Variants in INTU observed in about 807,000 individuals in gnomAD.
INTU encodes protein inturned.
Under a neutral mutation model 100.5 loss-of-function variants are expected in INTU, and 68 were observed. The observed-to-expected ratio is 0.68, with a 90% CI of 0.56 to 0.83. INTU has a LOEUF of 0.83. Among genes scored for constraint, INTU ranks in the 40% least tolerant of loss-of-function variants. INTU has a pLI of 0.00. For missense variants in INTU, 1,071 were observed against 1,114.7 expected, an observed-to-expected ratio of 0.96 and a Z score of 0.56; for synonymous variants, 357 against 395.7, an observed-to-expected ratio of 0.90 and a Z score of 1.16.
At chr4:127,655,230 G>A (rs1475875032) in intron 2 of INTU, among the ~76,000 whole-genome samples, 2 of 152,134 alleles carry the variant, frequency 1.3e-5, no homozygotes, top group Non-Finnish European at 2.9e-5. Flanking sequence ...GCTCGTCAAA[G>A]TCATTCTCCA....
intron 7 of INTU, 80 bp from the exon 8 acceptor site, chr4:127,687,598 G>A: frequency 9.3e-7 from 1 of 1,076,018 alleles, no homozygotes; most frequent in Non-Finnish European, 1.4e-6. Flanking sequence ...AGTTGGGAAA[G>A]ATCCAGTTCC....
chr4:127,660,264 C>G (rs1027629017), intron 3 of INTU, among the ~76,000 whole-genome samples: 1 of 152,102 alleles, frequency 6.6e-6, no homozygotes, highest in Non-Finnish European at 1.5e-5. Context: ...AAGAAGCCTT[C>G]CAAGTTTTGT....
In INTU at chr4:127,706,647, C is replaced by A; in HGVS notation, c.1949C>A (p.Pro650Gln). ...ATAGATGAACGGCTAGCATCTTCTCCAGTCCCCTGTTTGTCTTGTGCTGAC... is the reference window on the plus strand; with the variant it reads ...ATAGATGAACGGCTAGCATCTTCTCAAGTCCCCTGTTTGTCTTGTGCTGAC... ...SRIDERLASS[P>Q]VPCLSCADWF... Residue 650 changes from proline (P) to glutamine (Q), a missense_variant, in exon 12 of 16, where the codon CCA (proline) becomes CAA (glutamine). Physicochemically the swap from Pro to Gln is moderately conservative, Grantham distance 76. Transcript: ENST00000335251. 1.2e-6 allele frequency: 2 copies of A among 1,614,128 alleles called. No individual in the cohort carries two copies. The highest frequency in any genetic ancestry group is 1.7e-4 in the Middle Eastern group (1 of 6,058).
In INTU at chr4:127,699,989, CTTTT is replaced by C; in HGVS notation, c.1450-11_1450-8del. ...ATATGAGTCAAATGTTTATGTTACT[CTTTT>C]TTTTTTTTTAACATAGATGGAATTA... is the stretch of plus-strand genomic sequence containing the variant. On this transcript the variant is annotated splice_polypyrimidine_tract_variant and intron_variant, in intron 8 of 15. Coordinates refer to ENST00000335251, the MANE Select transcript of INTU (RefSeq NM_015693.4). The C allele has an allele frequency of 6.1e-6, 8 of 1,307,466 alleles. No individual in the cohort carries two copies. The highest frequency in any genetic ancestry group is 1.6e-5 in the African/African-American group (1 of 63,966). 81.0% of individuals were successfully genotyped at this position (1,307,466 alleles called of 1,614,324 possible).
chr4:127,691,140 T>C (rs570359522), intron 8 of INTU, among the ~76,000 whole-genome samples: 2 of 152,292 alleles, frequency 1.3e-5, no homozygotes, highest in East Asian at 3.9e-4. Context: ...TTCTTTCACT[T>C]AGTAATATAC....
At chr4:127,704,894 CCTGT>C (rs1730811925) in intron 10 of INTU, among the ~76,000 whole-genome samples, 1 of 151,966 alleles carries the variant, frequency 6.6e-6, no homozygotes, top group Non-Finnish European at 1.5e-5. Flanking sequence ...TCGAGATCAG[CCTGT>C]CTAACATGGT....
At chr4:127,653,971 A>G (rs1305969703) in intron 2 of INTU, among the ~76,000 whole-genome samples, 2 of 151,418 alleles carry the variant, frequency 1.3e-5, no homozygotes, top group African/African-American at 4.9e-5. Flanking sequence ...CTTTACCATT[A>G]TGTAATGGCC....
At chr4:127,713,069 G>A (rs1184303001) in intron 14 of INTU, among the ~76,000 whole-genome samples, 1 of 152,224 alleles carries the variant, frequency 6.6e-6, no homozygotes. Context: ...GATAGACTAT[G>A]ATAAGGACTT....
In INTU at chr4:127,716,388, A is replaced by G; in HGVS notation, c.2781A>G (p.Glu927=). The change falls in exon 16 of 16, where the codon GAA becomes GAG. Residue 927 remains glutamate (E), a synonymous_variant. Coordinates refer to ENST00000335251, the MANE Select transcript of INTU (RefSeq NM_015693.4). ...LYVCFHDSVT[E]IAIEIAFKLF... is the part of the protein sequence containing the mutation. ...TCTGTTTTCATGACTCAGTCACAGA[A>G]ATTGCCATTGAAATAGCTTTTAAAT... The G allele has an allele frequency of 6.3e-7, 1 of 1,592,132 alleles. No individual in the cohort carries two copies. Among genetic ancestry groups the G allele is most frequent in the Non-Finnish European group, 8.5e-7 (1 of 1,169,652 alleles).
chr4:127,647,775 A>G (rs1416867997), intron 2 of INTU, among the ~76,000 whole-genome samples: 2 of 152,220 alleles, frequency 1.3e-5, no homozygotes, highest in Non-Finnish European at 2.9e-5. Flanking sequence ...CATATACCCA[A>G]AGACAACATT....
rs1476212895 is a variant in INTU, at chr4:127,677,491, G to C, written c.1181+3278G>C. Among the ~76,000 whole-genome samples, 2 of 150,092 alleles carry C rather than the reference G, an allele frequency of 1.3e-5. 1 individual carries two copies. Among genetic ancestry groups the C allele is most frequent in the African/African-American group, 5.0e-5 (2 of 39,962 alleles). On this transcript the variant is annotated intron_variant, in intron 6 of 15. Transcript: ENST00000335251. ...CCGCTGCTGGTACCCAGGCAAACAG[G>C]GTCTGGAGTGGACCTCTAGCAAACT... is the stretch of plus-strand genomic sequence containing the variant.
intron 8 of INTU, 33 bp downstream of exon 8, chr4:127,687,900 C>T (rs1276076637): frequency 3.6e-6 from 5 of 1,381,928 alleles, no homozygotes; most frequent in Non-Finnish European, 4.9e-6. Context: ...AGAAGCAGAA[C>T]CAGGTGCCTT....
intron 11 of INTU, among the ~76,000 whole-genome samples, chr4:127,706,102 A>G (rs909018753): frequency 1.1e-4 from 17 of 152,162 alleles, no homozygotes; most frequent in Non-Finnish European, 5.9e-5. Flanking sequence ...TCCCCTTTCT[A>G]TAGTGGTTTT....
intron 6 of INTU, among the ~76,000 whole-genome samples, chr4:127,677,792 C>G (rs1366128235): frequency 1.3e-5 from 2 of 152,090 alleles, no homozygotes; most frequent in Non-Finnish European, 2.9e-5. Context: ...TTCAGACGAT[C>G]AAACTACTCC....
intron 8 of INTU, among the ~76,000 whole-genome samples, chr4:127,693,529 T>G: frequency 6.6e-6 from 1 of 152,174 alleles, no homozygotes; most frequent in East Asian, 1.9e-4. Flanking sequence ...CAGTGACAGT[T>G]TGACTTCTTC....
At chr4:127,642,351 A>C (rs1727372075) in intron 1 of INTU, among the ~76,000 whole-genome samples, 2 of 152,160 alleles carry the variant, frequency 1.3e-5, no homozygotes. Flanking sequence ...TTTAAAAATG[A>C]CTCATATGTA....
At chr4:127,715,945 T>C (rs1437366908) in intron 15 of INTU, among the ~76,000 whole-genome samples, 1 of 152,192 alleles carries the variant, frequency 6.6e-6, no homozygotes, top group African/African-American at 2.4e-5. Context: ...AGCTACCATA[T>C]ATTTAATGTT....
intron 1 of INTU, among the ~76,000 whole-genome samples, chr4:127,639,339 T>C (rs1727209174): frequency 6.6e-6 from 1 of 152,156 alleles, no homozygotes; most frequent in Non-Finnish European, 1.5e-5. Flanking sequence ...CCCTGGAAAG[T>C]TACTATCTTT....
intron 2 of INTU, among the ~76,000 whole-genome samples, chr4:127,645,617 A>G (rs942492551): frequency 2.6e-4 from 40 of 151,926 alleles, no homozygotes; most frequent in African/African-American, 9.2e-4. Flanking sequence ...CTAGAGTGCA[A>G]TGGCACCATC....
Sources: gnomAD v4.1 joint callset for allele counts (sites outside exome capture counted in the v4.1 genomes callset) on GRCh38, gnomAD v4.1.1 for gene constraint, MANE v1.5 for transcripts, NCBI Gene and HGNC (gene_info 2026-07-23, HGNC 2026-07-21) for gene names.